Variants in MACROD2 observed in about 807,000 individuals in gnomAD.
MACROD2 encodes mono-ADP ribosylhydrolase 2.
A neutral mutation model predicts 70.4 loss-of-function variants in MACROD2; 36 were observed. The observed-to-expected ratio is 0.51, with a 90% CI of 0.39 to 0.68. The LOEUF is 0.68. MACROD2 is among the 30% of genes least tolerant of loss of function. The pLI, the probability that MACROD2 is intolerant of heterozygous loss-of-function variation, is 0.00. For missense variants in MACROD2, 496 were observed against 538.4 expected, an observed-to-expected ratio of 0.92 and a Z score of 0.78; for synonymous variants, 172 against 178.8, an observed-to-expected ratio of 0.96 and a Z score of 0.30.
At chr20:15,134,247 G>C (rs548123852) in intron 5 of MACROD2, among the ~76,000 whole-genome samples, 5 of 148,994 alleles carry the variant, frequency 3.4e-5, no homozygotes, top group African/African-American at 1.2e-4. Context: ...GCCCGAGCCG[G>C]GCAGGGTGGC....
intron 2 of MACROD2, among the ~76,000 whole-genome samples, chr20:14,070,538 C>T (rs1435576407): frequency 6.6e-6 from 1 of 152,126 alleles, no homozygotes; most frequent in Non-Finnish European, 1.5e-5. Context: ...TTCATTTTTA[C>T]ATTAATTTCT....
At chr20:15,857,861 C>A (rs866043988) in intron 8 of MACROD2, among the ~76,000 whole-genome samples, 1 of 152,098 alleles carries the variant, frequency 6.6e-6, no homozygotes, top group East Asian at 1.9e-4. Context: ...GAACTAGTGA[C>A]AGGCCTAGAA....
At chr20:14,735,209 G>A (rs1476783284) in intron 5 of MACROD2, among the ~76,000 whole-genome samples, 1 of 152,146 alleles carries the variant, frequency 6.6e-6, no homozygotes, top group East Asian at 1.9e-4. Context: ...ACAGCCCACT[G>A]AATGAGAGAA....
rs76001957 is a variant in MACROD2 at position 14,963,575 on chromosome 20, T to A, written c.419-266365T>A. 7.7e-3 allele frequency among the ~76,000 whole-genome samples: 1,177 copies of A among 152,288 alleles called. 19 individuals are homozygous for A. Among genetic ancestry groups the A allele is most frequent in the African/African-American group, 0.027 (1,124 of 41,550 alleles). On this transcript the variant is annotated intron_variant, in intron 5 of 17. Transcript: ENST00000684519. ...CAGGTATGCTGATTATGTAACAGCT[T>A]CCAACACATTCCCTGCCGGTGGTGG...
At chr20:15,647,801 C>A (rs1162346613) in intron 8 of MACROD2, among the ~76,000 whole-genome samples, 1 of 151,176 alleles carries the variant, frequency 6.6e-6, no homozygotes, top group Non-Finnish European at 1.5e-5. Context: ...CTCACTGCAA[C>A]CTCAGCCTCC....
intron 6 of MACROD2, among the ~76,000 whole-genome samples, chr20:15,406,746 C>T (rs1251607141): frequency 1.3e-5 from 2 of 152,090 alleles, no homozygotes; most frequent in Admixed American, 6.5e-5. Context: ...CCAGAATAAA[C>T]AAAGCTTATG....
At chr20:15,765,453 A>G (rs1487616067) in intron 8 of MACROD2, among the ~76,000 whole-genome samples, 7 of 152,220 alleles carry the variant, frequency 4.6e-5, no homozygotes, top group African/African-American at 1.4e-4. Flanking sequence ...TCTAATTTTC[A>G]TAACAGAAAC....
At chr20:16,011,635 T>G (rs558234282) in intron 15 of MACROD2, among the ~76,000 whole-genome samples, 1 of 109,240 alleles carries the variant, frequency 9.2e-6, no homozygotes, top group Non-Finnish European at 2.0e-5. Flanking sequence ...CAAGCCCGAG[T>G]AAAGGAGACA....
At chr20:15,393,882 C>T (rs1278974821) in intron 6 of MACROD2, among the ~76,000 whole-genome samples, 2 of 152,188 alleles carry the variant, frequency 1.3e-5, no homozygotes, top group African/African-American at 4.8e-5. Flanking sequence ...CACACCTGCC[C>T]TCTTGTGTAT....
At chr20:14,070,154 A>T (rs1350442975) in intron 2 of MACROD2, among the ~76,000 whole-genome samples, 1 of 152,208 alleles carries the variant, frequency 6.6e-6, no homozygotes, top group Non-Finnish European at 1.5e-5. Flanking sequence ...GCAAAAGCTT[A>T]GGAGGAAGCT....
chr20:15,198,808 T>A (rs2145925014), intron 5 of MACROD2, among the ~76,000 whole-genome samples: 1 of 152,292 alleles, frequency 6.6e-6, no homozygotes, highest in South Asian at 2.1e-4. Flanking sequence ...TGTAGCAATC[T>A]GCTGGGAACT....
At chr20:15,621,419 A>G (rs16996153) in intron 8 of MACROD2, among the ~76,000 whole-genome samples, 8,127 of 152,234 alleles carry the variant, frequency 0.053, 338 homozygotes, top group South Asian at 0.11. Context: ...TTTGCTCAGG[A>G]CATGCAGATT....
chr20:14,977,140 C>T (rs1056346794), intron 5 of MACROD2, among the ~76,000 whole-genome samples: 1 of 152,032 alleles, frequency 6.6e-6, no homozygotes, highest in Non-Finnish European at 1.5e-5. Flanking sequence ...GAAGTCAGAA[C>T]TGACATTATT....
intron 4 of MACROD2, among the ~76,000 whole-genome samples, chr20:14,550,035 T>G (rs953063971): frequency 1.3e-5 from 2 of 151,742 alleles, no homozygotes; most frequent in Non-Finnish European, 2.9e-5. Context: ...TTCAAGCAAT[T>G]CTTCTGCCTC....
intron 8 of MACROD2, among the ~76,000 whole-genome samples, chr20:15,706,564 G>T (rs6110754): frequency 0.32 from 48,039 of 152,076 alleles, 9,799 homozygotes; most frequent in African/African-American, 0.59. Context: ...TAAAAAGAGA[G>T]TAATTGCATT....
At chr20:14,305,250 C>A (rs1311186218) in intron 3 of MACROD2, among the ~76,000 whole-genome samples, 1 of 151,954 alleles carries the variant, frequency 6.6e-6, no homozygotes, top group African/African-American at 2.4e-5. Context: ...CTTTCTATTC[C>A]CTTCTCCTGC....
chr20:14,297,142 G>A (rs888902409), intron 3 of MACROD2, among the ~76,000 whole-genome samples: 1 of 151,724 alleles, frequency 6.6e-6, no homozygotes, highest in Non-Finnish European at 1.5e-5. Context: ...TCTTCTTACT[G>A]CTCCACTGAC....
chr20:15,960,626 G>C (rs962922057), intron 12 of MACROD2, among the ~76,000 whole-genome samples: 14 of 152,156 alleles, frequency 9.2e-5, no homozygotes, highest in Non-Finnish European at 1.3e-4. Flanking sequence ...TCAAGTTACT[G>C]CTGAGGGAAA....
At chr20:14,379,103 CTT>C (rs1355760960) in intron 3 of MACROD2, among the ~76,000 whole-genome samples, 1 of 152,100 alleles carries the variant, frequency 6.6e-6, no homozygotes, top group Non-Finnish European at 1.5e-5. Context: ...GATATTAACT[CTT>C]TGAATCTTCA....
Sources: gnomAD v4.1 joint callset for allele counts (sites outside exome capture counted in the v4.1 genomes callset) on GRCh38, gnomAD v4.1.1 for gene constraint, MANE v1.5 for transcripts, NCBI Gene and HGNC (gene_info 2026-07-23, HGNC 2026-07-21) for gene names.